HMG20A: variants seen among roughly 807,000 people sequenced by gnomAD.
HMG20A encodes the protein high mobility group protein 20A.
HMG20A carries 17 observed loss-of-function variants against 43.9 expected under a neutral mutation model. The observed-to-expected ratio is 0.39, with a 90% CI of 0.27 to 0.58. HMG20A has a LOEUF of 0.58. Ranked by LOEUF, HMG20A falls within the 20% of genes least tolerant of loss-of-function variation. HMG20A has a pLI of 0.59. For missense variants in HMG20A, 341 were observed against 438.2 expected (o/e 0.78, Z 1.98); for synonymous variants, 132 against 147.5 (o/e 0.89, Z 0.76).
At chr15:77,440,096 A>C (rs561369443) in intron 1 of HMG20A, among the ~76,000 whole-genome samples, 50 of 152,284 alleles carry the variant, frequency 3.3e-4, no homozygotes, top group African/African-American at 1.2e-3. Flanking sequence ...TTTAGGGAAT[A>C]TATGTATTAC....
chr15:77,476,486 GAAAAA>G (rs148901766), intron 6 of HMG20A, among the ~76,000 whole-genome samples: 4 of 81,438 alleles, frequency 4.9e-5, no homozygotes, highest in Admixed American at 1.4e-4. Flanking sequence ...CTCCCTCTCA[GAAAAA>G]AAAAAAAAAA....
the HMG20A span, among the ~76,000 whole-genome samples, chr15:77,515,406 T>A: frequency 2.7e-5 from 4 of 148,328 alleles, no homozygotes; most frequent in African/African-American, 7.3e-5. Context: ...ATCTTATTTT[T>A]AAATATTTAT....
rs760916021 is a variant in HMG20A at position 77,467,235 on chromosome 15, A to C, written c.378A>C (p.Pro126=). 6.2e-7 allele frequency: 1 copy of C among 1,614,080 alleles called. No homozygotes were observed. The highest frequency in any genetic ancestry group is 1.3e-5 in the African/African-American group (1 of 74,930). Residue 126 remains proline (P), a synonymous_variant, in exon 4 of 10, where the codon CCA becomes CCC. Transcript: ENST00000336216. ...ERREQLRAKR[P]EVPFPEITRM... ...GAGAACAACTTCGAGCAAAGAGACCAGAAGTCCCATTTCCAGAAATCACAA... is the reference window on the plus strand; with the variant it reads ...GAGAACAACTTCGAGCAAAGAGACCCGAAGTCCCATTTCCAGAAATCACAA...
the HMG20A span, among the ~76,000 whole-genome samples, chr15:77,504,104 G>A: frequency 6.6e-6 from 1 of 152,232 alleles, no homozygotes; most frequent in Non-Finnish European, 1.5e-5. Flanking sequence ...GAGAAACAAA[G>A]TCCTGCCTTT....
In HMG20A at chr15:77,484,426, G is replaced by A. The variant is rs2072930912; in HGVS notation, c.*1463G>A. ...GCAGAGCAAGCAGAGCCCGTTGTCT[G>A]GGCCCCACACCACTGCAGGCAGGTG... is the stretch of plus-strand genomic sequence containing the variant. On this transcript the variant is annotated 3_prime_UTR_variant, in exon 10 of 10. Coordinates refer to ENST00000336216, the MANE Select transcript of HMG20A (RefSeq NM_001304504.2). 6.6e-6 allele frequency: 1 copy of A among 152,642 alleles called. No homozygotes were observed. The highest frequency in any genetic ancestry group is 2.1e-4 in the South Asian group (1 of 4,828). The allele number at this position is 152,642 out of a possible 1,614,324, so 9.5% of individuals were successfully genotyped here.
downstream of HMG20A, among the ~76,000 whole-genome samples, chr15:77,488,367 G>C (rs897509982): frequency 2.0e-5 from 3 of 152,134 alleles, no homozygotes; most frequent in Non-Finnish European, 4.4e-5. Context: ...CATAATTTCT[G>C]ATAATCTAGT....
chr15:77,458,317 G>A (rs1401059519), intron 1 of HMG20A, 87 bp from the exon 2 acceptor site: 1 of 824,100 alleles, frequency 1.2e-6, no homozygotes, highest in African/African-American at 1.7e-5. Context: ...ATATGATAAA[G>A]TTCAAGAAGG....
intron 1 of HMG20A, among the ~76,000 whole-genome samples, chr15:77,440,928 C>T (rs2073605635): frequency 6.6e-6 from 1 of 152,164 alleles, no homozygotes; most frequent in Admixed American, 6.5e-5. Flanking sequence ...ATGATAATAT[C>T]TACTTGATAC....
intron 1 of HMG20A, among the ~76,000 whole-genome samples, chr15:77,449,945 C>A (rs1211286485): frequency 6.9e-6 from 1 of 145,428 alleles, no homozygotes; most frequent in Admixed American, 6.7e-5. Context: ...CCGTGTTCCA[C>A]CTATTCATCC....
At chr15:77,445,032 T>G (rs547239594) in intron 1 of HMG20A, among the ~76,000 whole-genome samples, 7 of 151,394 alleles carry the variant, frequency 4.6e-5, no homozygotes, top group African/African-American at 1.4e-4. Context: ...AAAATTTAAT[T>G]TGTAAGTCAG....
At chr15:77,427,642 A>G (rs116026919) in intron 1 of HMG20A, among the ~76,000 whole-genome samples, 1,573 of 152,308 alleles carry the variant, frequency 0.01, 27 homozygotes, top group African/African-American at 0.036. Flanking sequence ...ATGTTACCCC[A>G]TATGGCTTCT....
At chr15:77,462,772 C>CTTTTTTTTTTTTTTTTTT (rs71145836) in intron 2 of HMG20A, among the ~76,000 whole-genome samples, 66 of 127,754 alleles carry the variant, frequency 5.2e-4, no homozygotes, top group East Asian at 8.7e-4. Context: ...TTTTCTTTTT[C>CTTTTTTTTTTTTTTTTTT]TTTTTTTTTT....
At chr15:77,488,318 G>A (rs2072955967), downstream of HMG20A, among the ~76,000 whole-genome samples, 2 of 152,010 alleles carry the variant, frequency 1.3e-5, no homozygotes, top group South Asian at 4.2e-4. Context: ...CCTTTATTTG[G>A]GAATACAAAG....
Position 77,453,073 on chromosome 15 carries a change from C to G in HMG20A, c.-4-5331C>G, listed in dbSNP as rs531456923. On this transcript the variant is annotated intron_variant, in intron 1 of 9. Transcript: ENST00000336216. ...CGAAACCCTGTCTCTACTAAAAATACAAAAATTAGCTGGGCATGGTGGTGC... is the reference window on the plus strand; with the variant it reads ...CGAAACCCTGTCTCTACTAAAAATAGAAAAATTAGCTGGGCATGGTGGTGC... 1.5e-4 allele frequency among the ~76,000 whole-genome samples: 23 copies of G among 152,160 alleles called. No homozygotes were observed. In the South Asian group the frequency reaches 3.3e-3, roughly 22 times the overall value.
intron 1 of HMG20A, among the ~76,000 whole-genome samples, chr15:77,453,590 C>T (rs764098907): frequency 3.3e-5 from 5 of 152,166 alleles, no homozygotes; most frequent in Admixed American, 6.5e-5. Context: ...CCCAAGAGAA[C>T]TGAAAACATG....
chr15:77,439,490 GA>G (rs1239365862), intron 1 of HMG20A, among the ~76,000 whole-genome samples: 1 of 151,968 alleles, frequency 6.6e-6, no homozygotes, highest in Non-Finnish European at 1.5e-5. Flanking sequence ...TATATTCATA[GA>G]ATATTTATTC....
the HMG20A span, among the ~76,000 whole-genome samples, chr15:77,510,324 G>A: frequency 6.6e-6 from 1 of 152,216 alleles, no homozygotes; most frequent in African/African-American, 2.4e-5. Flanking sequence ...CAGTGGGCCT[G>A]AACCAGGGCT....
In HMG20A at chr15:77,483,322, T is replaced by C. The variant is rs541376809; in HGVS notation, c.*359T>C. On this transcript the variant is annotated 3_prime_UTR_variant, in exon 10 of 10. Coordinates refer to ENST00000336216, the MANE Select transcript of HMG20A (RefSeq NM_001304504.2). ...CTGCTGCAGAAAGGAAGACTTTTCA[T>C]TGTAATTTCGCTTAGACCCTTTTAT... 3 of 152,358 alleles carry C rather than the reference T, an allele frequency of 2.0e-5. No individual in the cohort carries two copies. The highest frequency in any genetic ancestry group is 6.5e-5 in the Admixed American group (1 of 15,304). The allele number at this position is 152,358 out of a possible 1,614,324, so 9.4% of individuals were successfully genotyped here. A position where few individuals can be genotyped will look rare whatever the true frequency, so the allele number is the denominator to read the frequency against.
At chr15:77,443,027 C>CTTTT (rs998172099) in intron 1 of HMG20A, among the ~76,000 whole-genome samples, 12 of 118,692 alleles carry the variant, frequency 1.0e-4, no homozygotes, top group African/African-American at 1.7e-4. Flanking sequence ...CTACTTTGAA[C>CTTTT]TTTTTTTTTT....
Sources: allele counts gnomAD v4.1 joint callset (sites outside exome capture counted in the v4.1 genomes callset), GRCh38; gene constraint gnomAD v4.1.1; transcripts MANE v1.5; gene names NCBI Gene and HGNC (gene_info 2026-07-23, HGNC 2026-07-21).